The following ANKIB1 variants were observed in gnomAD, a reference collection of about 807,000 sequenced individuals.
ANKIB1 encodes the protein ankyrin repeat and IBR domain containing 1.
In ANKIB1, 43 loss-of-function variants were observed where a neutral mutation model predicts 122.1. The ratio of observed to expected loss-of-function variants is 0.35; its 90% CI spans 0.28 to 0.45. The LOEUF (loss-of-function observed/expected upper bound fraction) is 0.45, where lower values mean the gene tolerates loss of function less well. Ranked by LOEUF, ANKIB1 falls within the 20% of genes least tolerant of loss-of-function variation. The probability of loss-of-function intolerance (pLI) is 1.00; values close to 1 mark genes in which losing one functional copy is unlikely to be tolerated. For synonymous variants in ANKIB1, 390 were observed against 442.0 expected (o/e 0.88, Z 1.48); for missense variants, 992 against 1,329.5 (o/e 0.75, Z 3.95).
intron 12 of ANKIB1, among the ~76,000 whole-genome samples, chr7:92,387,300 G>A (rs1457965471): frequency 6.6e-6 from 1 of 152,004 alleles, no homozygotes; most frequent in Non-Finnish European, 1.5e-5. Context: ...TAATTTTAGG[G>A]GGAATACCAT....
intron 7 of ANKIB1, among the ~76,000 whole-genome samples, chr7:92,346,059 C>G (rs934806238): frequency 5.3e-5 from 8 of 152,090 alleles, no homozygotes; most frequent in Non-Finnish European, 8.8e-5. Context: ...TGAATCCCTG[C>G]TACTCTTCTC....
intron 5 of ANKIB1, 82 bp downstream of exon 5, chr7:92,327,982 T>G: frequency 1.1e-6 from 1 of 871,714 alleles, no homozygotes; most frequent in East Asian, 2.8e-5. Flanking sequence ...TATTTTTGTA[T>G]TTGAATACAG....
At chr7:92,289,944 G>GT (rs1225444473) in intron 1 of ANKIB1, among the ~76,000 whole-genome samples, 2 of 152,034 alleles carry the variant, frequency 1.3e-5, no homozygotes, top group African/African-American at 4.8e-5. Flanking sequence ...AGCCTCTCAA[G>GT]TAGCTGGGAC....
chr7:92,339,334 A>G (rs1039120716), intron 5 of ANKIB1, among the ~76,000 whole-genome samples: 4 of 151,886 alleles, frequency 2.6e-5, no homozygotes, highest in Non-Finnish European at 5.9e-5. Context: ...GAGCCACCGC[A>G]CCTGGCCAAA....
At chr7:92,372,656 G>A (rs1804297159) in intron 11 of ANKIB1, among the ~76,000 whole-genome samples, 1 of 152,074 alleles carries the variant, frequency 6.6e-6, no homozygotes, top group Non-Finnish European at 1.5e-5. Context: ...AGGTCAAAAA[G>A]GCTAGATAGA....
intron 2 of ANKIB1, 50 bp downstream of exon 2, chr7:92,295,216 T>G (rs1802328920): frequency 7.6e-7 from 1 of 1,307,252 alleles, no homozygotes; most frequent in Non-Finnish European, 1.0e-6. Context: ...CGTAAACTAA[T>G]TGGTAACAAA....
Position 92,398,195 on chromosome 7 carries a change from G to T in ANKIB1, c.2533-17G>T, listed in dbSNP as rs758035728. The T allele has an allele frequency of 3.9e-6, 6 of 1,549,236 alleles. No homozygotes were observed. In the African/African-American group the frequency reaches 8.3e-5, roughly 21 times the overall value. ...TTCAGTCAAATTTTAAAGTGGTTTT[G>T]CTTTCTGTTGCTTCAGGCTCTGAGT... On this transcript the variant is annotated splice_polypyrimidine_tract_variant and intron_variant, in intron 19 of 19. Transcript: ENST00000265742.
At chr7:92,376,433 C>A (rs192277326) in intron 11 of ANKIB1, among the ~76,000 whole-genome samples, 1 of 151,442 alleles carries the variant, frequency 6.6e-6, no homozygotes, top group Non-Finnish European at 1.5e-5. Context: ...CTTTACCTTG[C>A]ACTTTTTTTT....
At chr7:92,355,604 C>G (rs1343566272) in intron 9 of ANKIB1, among the ~76,000 whole-genome samples, 2 of 151,946 alleles carry the variant, frequency 1.3e-5, no homozygotes, top group Non-Finnish European at 2.9e-5. Context: ...AATCCCAACA[C>G]TTTGGGAGGC....
At chr7:92,320,641 A>G (rs913517510) in intron 4 of ANKIB1, among the ~76,000 whole-genome samples, 1 of 152,170 alleles carries the variant, frequency 6.6e-6, no homozygotes, top group African/African-American at 2.4e-5. Flanking sequence ...CTCCAAAAAT[A>G]CAACCTAAAT....
chr7:92,286,476 C>T (rs998820008), intron 1 of ANKIB1, among the ~76,000 whole-genome samples: 32 of 145,896 alleles, frequency 2.2e-4, no homozygotes, highest in African/African-American at 7.1e-4. Flanking sequence ...GGATATTATC[C>T]GTATTTTTTT....
At chr7:92,378,497 A>G (rs1230417147) in intron 11 of ANKIB1, among the ~76,000 whole-genome samples, 1 of 151,656 alleles carries the variant, frequency 6.6e-6, no homozygotes, top group African/African-American at 2.4e-5. Flanking sequence ...AAAAAAAAAA[A>G]TCAACAATCA....
rs374334850 is a variant in ANKIB1, at chr7:92,278,164, G to T, written c.-90-16725G>T. Reference sequence around the variant, plus strand: ...TACTCAGGAGGCTAAGGTGGGAAGAGTGCTTGAGCCCAGGAGTTCAAGGTT... The same window carrying T: ...TACTCAGGAGGCTAAGGTGGGAAGATTGCTTGAGCCCAGGAGTTCAAGGTT... On this transcript the variant is annotated intron_variant, in intron 1 of 19. Transcript: ENST00000265742. 3.1e-4 allele frequency among the ~76,000 whole-genome samples: 47 copies of T among 152,008 alleles called. 1 individual carries two copies. The highest frequency in any genetic ancestry group is 9.6e-4 in the African/African-American group (40 of 41,472).
At chr7:92,283,660 T>C (rs1156568055) in intron 1 of ANKIB1, among the ~76,000 whole-genome samples, 1 of 152,216 alleles carries the variant, frequency 6.6e-6, no homozygotes, top group African/African-American at 2.4e-5. Context: ...AGATTATAAA[T>C]GGAACTGAAA....
At chr7:92,316,118 A>G (rs923463852) in intron 3 of ANKIB1, among the ~76,000 whole-genome samples, 1 of 152,222 alleles carries the variant, frequency 6.6e-6, no homozygotes, top group African/African-American at 2.4e-5. Context: ...TTTAAGGTAG[A>G]ACATTTTATG....
chr7:92,359,298 A>G (rs922496193), intron 9 of ANKIB1, among the ~76,000 whole-genome samples: 1 of 152,042 alleles, frequency 6.6e-6, no homozygotes, highest in Non-Finnish European at 1.5e-5. Context: ...TTCAACTCCC[A>G]TTTGTGAGTG....
chr7:92,340,819 G>T (rs1316657863), intron 5 of ANKIB1, among the ~76,000 whole-genome samples: 1 of 152,192 alleles, frequency 6.6e-6, no homozygotes. Context: ...AAAAGATATG[G>T]ATAGGTAATT....
In ANKIB1 at chr7:92,304,873, A is replaced by G. The variant is rs528079345; in HGVS notation, c.189-2486A>G. 2.2e-4 allele frequency among the ~76,000 whole-genome samples: 34 copies of G among 152,300 alleles called. No homozygotes were observed. The South Asian group carries it at 4.8e-3, about 21-fold the overall frequency. On this transcript the variant is annotated intron_variant, in intron 2 of 19. Transcript: ENST00000265742. The stretch of plus-strand genomic sequence containing the variant: ...TATGGCTGTATAAAAAAAATTACCC[A>G]TATTCTTGCCTCCCCTAAGCAAATG...
rs375638501 is a variant in ANKIB1, at chr7:92,268,151, A to G, written c.-91+21632A>G. Among the ~76,000 whole-genome samples the G allele has an allele frequency of 5.3e-5, 8 of 152,332 alleles. 1 individual carries two copies. Among genetic ancestry groups the G allele is most frequent in the South Asian group, 4.1e-4 (2 of 4,828 alleles). The stretch of plus-strand genomic sequence containing the variant: ...CAAGAAGGAAAGGGTTTCTTTGCAC[A>G]TGGATATTTAGTTGTTTCAGTACCA... On this transcript the variant is annotated intron_variant, in intron 1 of 19. Coordinates refer to ENST00000265742, the MANE Select transcript of ANKIB1 (RefSeq NM_019004.2).
Sources: gnomAD v4.1 joint callset for allele counts (sites outside exome capture counted in the v4.1 genomes callset) on GRCh38, gnomAD v4.1.1 for gene constraint, MANE v1.5 for transcripts, NCBI Gene and HGNC (gene_info 2026-07-23, HGNC 2026-07-21) for gene names.